JMY: variants seen among roughly 807,000 people sequenced by gnomAD.
JMY encodes the protein junction mediating and regulatory protein, p53 cofactor, also known as junction-mediating and -regulatory protein.
JMY carries 46 observed loss-of-function variants against 103.3 expected under a neutral mutation model. The observed-to-expected ratio is 0.45, with a 90% confidence interval of 0.35 to 0.57. The LOEUF is 0.57. Ranked by LOEUF, JMY falls within the 20% of genes least tolerant of loss-of-function variation. The pLI is 0.00. For missense variants in JMY, 1,238 were observed against 1,255.2 expected, an observed-to-expected ratio of 0.99 and a Z score of 0.21; for synonymous variants, 526 against 489.3, an observed-to-expected ratio of 1.07 and a Z score of -0.99.
intron 10 of JMY, among the ~76,000 whole-genome samples, chr5:79,319,589 T>C (rs1197446697): frequency 6.6e-6 from 1 of 152,014 alleles, no homozygotes; most frequent in Non-Finnish European, 1.5e-5. Context: ...TCTCTTTTTT[T>C]CTTTTCTTCA....
At chr5:79,254,380 T>A (rs1042046400) in intron 1 of JMY, among the ~76,000 whole-genome samples, 1 of 152,126 alleles carries the variant, frequency 6.6e-6, no homozygotes, top group African/African-American at 2.4e-5. Flanking sequence ...TCAGGGAAAG[T>A]CTTTATTTTC....
At chr5:79,287,878 A>G (rs1449276818) in intron 2 of JMY, among the ~76,000 whole-genome samples, 1 of 152,234 alleles carries the variant, frequency 6.6e-6, no homozygotes, top group African/African-American at 2.4e-5. Flanking sequence ...TAATCATGTC[A>G]TTGAGAAGAA....
intron 2 of JMY, among the ~76,000 whole-genome samples, chr5:79,283,250 A>T (rs1375865407): frequency 6.6e-6 from 1 of 151,996 alleles, no homozygotes; most frequent in Non-Finnish European, 1.5e-5. Flanking sequence ...CTGCCTCCCA[A>T]AGTGCTGGGA....
chr5:79,292,715 G>C (rs997878600), intron 4 of JMY, among the ~76,000 whole-genome samples: 2 of 152,120 alleles, frequency 1.3e-5, no homozygotes, highest in East Asian at 1.9e-4. Flanking sequence ...TAAGATTTCT[G>C]ACTACTCTTA....
At chr5:79,276,535 C>T (rs183474297) in intron 1 of JMY, among the ~76,000 whole-genome samples, 10 of 152,320 alleles carry the variant, frequency 6.6e-5, no homozygotes, top group Admixed American at 2.0e-4. Context: ...GCTCAATTCT[C>T]ATGCCTCAGC....
intron 1 of JMY, among the ~76,000 whole-genome samples, chr5:79,242,247 T>G (rs1431273351): frequency 6.6e-6 from 1 of 152,180 alleles, no homozygotes; most frequent in Non-Finnish European, 1.5e-5. Flanking sequence ...ACACCTAGGT[T>G]GAAAATAGGA....
intron 1 of JMY, among the ~76,000 whole-genome samples, chr5:79,267,678 G>A (rs1745623960): frequency 6.6e-6 from 1 of 152,210 alleles, no homozygotes; most frequent in East Asian, 1.9e-4. Context: ...CTCTCACAAA[G>A]TGCTGGGATT....
At chr5:79,290,996 A>C in intron 3 of JMY, 134 bp from the exon 4 acceptor site, 1 of 605,828 alleles carries the variant, frequency 1.7e-6, no homozygotes, top group Non-Finnish European at 2.6e-6. Context: ...TAAAAGAAAA[A>C]AAGAAAAAAG....
chr5:79,310,057 C>CTTTTTT lies in JMY; in HGVS notation c.1969-2325_1969-2320dup, dbSNP rs55994052. Reference sequence around the variant, plus strand: ...TAGTAAATCGATTATCTTTCTTTTCCTTTTTTTTTTTTTTTTTTTTTTTTT... The same window carrying CTTTTTT: ...TAGTAAATCGATTATCTTTCTTTTCCTTTTTTTTTTTTTTTTTTTTTTTTTTTTTTT... On this transcript the variant is annotated intron_variant, in intron 7 of 10. Transcript: ENST00000396137. 3.1e-4 allele frequency among the ~76,000 whole-genome samples: 23 copies of CTTTTTT among 73,678 alleles called. 2 individuals carry two copies. Among genetic ancestry groups the CTTTTTT allele is most frequent in the African/African-American group, 1.2e-3 (19 of 15,502 alleles). The allele number at this position is 73,678 out of a possible 152,430, so 48.3% of individuals were successfully genotyped here. A position where few individuals can be genotyped will look rare whatever the true frequency, so the allele number is the denominator to read the frequency against.
Position 79,291,285 on chromosome 5 carries a change from G to A in JMY, c.1513G>A (p.Ala505Thr). The A allele has an allele frequency of 1.3e-6, 2 of 1,565,224 alleles. No individual in the cohort carries two copies. Among genetic ancestry groups the A allele is most frequent in the Non-Finnish European group, 1.7e-6 (2 of 1,159,488 alleles). ...KEICLEQRKH[A>T]LKEEMQSLRG... is the part of the protein sequence containing the mutation. ...GATATGCTTGGAACAGCGGAAACATGCACTAAAGGAAGAGGTAACAAAAAT... is the reference window on the plus strand; with the variant it reads ...GATATGCTTGGAACAGCGGAAACATACACTAAAGGAAGAGGTAACAAAAAT... The change falls in exon 4 of 11, where the codon GCA (alanine) becomes ACA (threonine). Residue 505 changes from alanine to threonine, a missense_variant. Ala to Thr is a moderately conservative substitution (Grantham distance 58). Transcript: ENST00000396137.
intron 7 of JMY, among the ~76,000 whole-genome samples, chr5:79,309,810 A>G (rs1047113799): frequency 6.6e-6 from 1 of 152,184 alleles, no homozygotes; most frequent in African/African-American, 2.4e-5. Flanking sequence ...GCTTTATAAG[A>G]TTAGTCAGGG....
rs373484311 is a variant in JMY at position 79,318,198 on chromosome 5, A to G, written c.*3+1888A>G. 1.4e-4 allele frequency among the ~76,000 whole-genome samples: 20 copies of G among 147,210 alleles called. 1 individual carries two copies. The highest frequency in any genetic ancestry group is 6.1e-4 in the Admixed American group (9 of 14,684). On this transcript the variant is annotated intron_variant, in intron 10 of 10. Coordinates refer to ENST00000396137, the MANE Select transcript of JMY (RefSeq NM_152405.5). ...TCTTTTTTTTTTTTGTATTTTTAGT[A>G]GAGATAGGGTTTCACCATCTTGGCC...
At chr5:79,250,945 G>C (rs997449775) in intron 1 of JMY, among the ~76,000 whole-genome samples, 1 of 150,564 alleles carries the variant, frequency 6.6e-6, no homozygotes, top group Non-Finnish European at 1.5e-5. Context: ...GTGCCTTTAG[G>C]GTACAATATA....
intron 1 of JMY, among the ~76,000 whole-genome samples, chr5:79,238,827 GCTA>G (rs1744645065): frequency 6.6e-6 from 1 of 151,850 alleles, no homozygotes; most frequent in Non-Finnish European, 1.5e-5. Context: ...CGTTAGCCCG[GCTA>G]CTTTTTGTGT....
chr5:79,239,809 CAAAA>C (rs572504314), intron 1 of JMY, among the ~76,000 whole-genome samples: 1 of 110,184 alleles, frequency 9.1e-6, no homozygotes, highest in Non-Finnish European at 1.9e-5. Context: ...GACTCCGTCT[CAAAA>C]AAAAAAAAGA....
chr5:79,292,279 C>T (rs936507701), intron 4 of JMY, among the ~76,000 whole-genome samples: 1 of 152,012 alleles, frequency 6.6e-6, no homozygotes, highest in African/African-American at 2.4e-5. Flanking sequence ...AACTTTTAAA[C>T]TTAAGTCCCT....
intron 1 of JMY, among the ~76,000 whole-genome samples, chr5:79,272,551 G>A (rs920025076): frequency 6.6e-6 from 1 of 151,426 alleles, no homozygotes; most frequent in African/African-American, 2.4e-5. Flanking sequence ...GAATATATTG[G>A]GGCTTATAGC....
intron 1 of JMY, among the ~76,000 whole-genome samples, chr5:79,276,779 G>A (rs1353835551): frequency 2.6e-5 from 4 of 151,930 alleles, no homozygotes; most frequent in Non-Finnish European, 1.5e-5. Context: ...GCTAATTTTT[G>A]TATTTTTAGT....
chr5:79,316,616 C>T (rs1484194247), intron 10 of JMY, among the ~76,000 whole-genome samples: 1 of 151,604 alleles, frequency 6.6e-6, no homozygotes, highest in Non-Finnish European at 1.5e-5. Context: ...CCTAAAAAAA[C>T]AGAAAAGGGC....
Sources: gnomAD v4.1 joint callset for allele counts (sites outside exome capture counted in the v4.1 genomes callset) on GRCh38, gnomAD v4.1.1 for gene constraint, MANE v1.5 for transcripts, NCBI Gene and HGNC (gene_info 2026-07-23, HGNC 2026-07-21) for gene names.